The following MIR2052HG variants were observed in gnomAD, a reference collection of about 807,000 sequenced individuals.
MIR2052HG encodes MIR2052 host gene.
At chr8:74,714,406 G>A (rs1809499809) in intron 4 of MIR2052HG, among the ~76,000 whole-genome samples, 1 of 152,140 alleles carries the variant, frequency 6.6e-6, no homozygotes, top group Non-Finnish European at 1.5e-5. Context: ...GACGGGGAAA[G>A]GAAATTATAA....
intron 2 of MIR2052HG, among the ~76,000 whole-genome samples, chr8:74,701,175 A>T (rs1809353909): frequency 6.6e-6 from 1 of 152,132 alleles, no homozygotes; most frequent in Non-Finnish European, 1.5e-5. Flanking sequence ...AATTTGATAA[A>T]TATTTAGAAT....
intron 2 of MIR2052HG, among the ~76,000 whole-genome samples, chr8:74,677,423 G>A (rs1460347673): frequency 1.3e-5 from 2 of 152,156 alleles, no homozygotes; most frequent in Non-Finnish European, 2.9e-5. Context: ...AATTATGTAT[G>A]TATTATTAAT....
intron 2 of MIR2052HG, among the ~76,000 whole-genome samples, chr8:74,658,423 G>A (rs1266230431): frequency 6.8e-6 from 1 of 147,800 alleles, no homozygotes; most frequent in African/African-American, 2.5e-5. Context: ...TGCAGTCTCT[G>A]TCTGTCGCCC....
intron 2 of MIR2052HG, among the ~76,000 whole-genome samples, chr8:74,637,257 A>G (rs968279424): frequency 6.6e-6 from 1 of 152,182 alleles, no homozygotes; most frequent in Non-Finnish European, 1.5e-5. Context: ...CGTAGACCCA[A>G]GTGGCTGGGA....
At chr8:74,602,848 T>TCTTTCTTTCTTTCTTTCTTTC in intron 1 of MIR2052HG, among the ~76,000 whole-genome samples, 1 of 142,844 alleles carries the variant, frequency 7.0e-6, no homozygotes, top group African/African-American at 2.7e-5. Flanking sequence ...TTTCTTTCTT[T>TCTTTCTTTCTTTCTTTCTTTC]CTTTCTTTCT....
intron 4 of MIR2052HG, among the ~76,000 whole-genome samples, chr8:74,732,398 G>T (rs1050905038): frequency 6.6e-6 from 1 of 152,038 alleles, no homozygotes; most frequent in Non-Finnish European, 1.5e-5. Context: ...TTTATCTAGG[G>T]TTGGTCATGG....
intron 2 of MIR2052HG, among the ~76,000 whole-genome samples, chr8:74,696,880 C>A (rs1352028744): frequency 6.6e-6 from 1 of 151,490 alleles, no homozygotes; most frequent in East Asian, 1.9e-4. Flanking sequence ...CAGCTGAATT[C>A]TATCAGACAT....
chr8:74,712,819 T>C (rs1264520607), intron 4 of MIR2052HG, among the ~76,000 whole-genome samples: 1 of 152,130 alleles, frequency 6.6e-6, no homozygotes, highest in African/African-American at 2.4e-5. Flanking sequence ...TTTTTTTCTG[T>C]CCATATTTAA....
intron 2 of MIR2052HG, among the ~76,000 whole-genome samples, chr8:74,701,252 T>C (rs974768700): frequency 2.0e-5 from 3 of 152,166 alleles, no homozygotes; most frequent in Non-Finnish European, 2.9e-5. Context: ...AGGTAATGCA[T>C]GCAGTGTGAA....
chr8:74,675,540 A>G (rs1290978125), intron 2 of MIR2052HG, among the ~76,000 whole-genome samples: 1 of 152,014 alleles, frequency 6.6e-6, no homozygotes, highest in Non-Finnish European at 1.5e-5. Flanking sequence ...CCCTGAAGAT[A>G]CCACAGGCAC....
chr8:74,750,167 G>A (rs147409838), intron 4 of MIR2052HG, among the ~76,000 whole-genome samples: 1 of 152,282 alleles, frequency 6.6e-6, no homozygotes, highest in African/African-American at 2.4e-5. Context: ...ATTACTGTCT[G>A]ATCATTTTGA....
chr8:74,720,971 A>G (rs372420772), intron 4 of MIR2052HG, among the ~76,000 whole-genome samples: 1 of 152,160 alleles, frequency 6.6e-6, no homozygotes, highest in Non-Finnish European at 1.5e-5. Flanking sequence ...ATCTCCCACA[A>G]GGTCTCTCCC....
At chr8:74,730,603 T>C (rs1809681549) in intron 4 of MIR2052HG, among the ~76,000 whole-genome samples, 2 of 152,212 alleles carry the variant, frequency 1.3e-5, no homozygotes, top group African/African-American at 4.8e-5. Context: ...AGATGATTGA[T>C]AATATTCAAT....
chr8:74,623,344 G>A (rs118142415), intron 2 of MIR2052HG, among the ~76,000 whole-genome samples: 4,693 of 152,192 alleles, frequency 0.031, 109 homozygotes, highest in Non-Finnish European at 0.05. Flanking sequence ...CATTTTACAC[G>A]GAGGGAACAT....
At chr8:74,606,814 T>TA (rs1435068686) in intron 1 of MIR2052HG, among the ~76,000 whole-genome samples, 1 of 28,408 alleles carries the variant, frequency 3.5e-5, no homozygotes, top group African/African-American at 9.2e-5. Flanking sequence ...CCCCTGAACT[T>TA]AAAATAAAAG....
At chr8:74,614,585 G>T in intron 2 of MIR2052HG, among the ~76,000 whole-genome samples, 1 of 151,298 alleles carries the variant, frequency 6.6e-6, no homozygotes, top group South Asian at 2.1e-4. Context: ...CTAATCCTTG[G>T]GTAGTTTTTC....
At chr8:74,720,612 A>T (rs772763479) in intron 4 of MIR2052HG, among the ~76,000 whole-genome samples, 15 of 152,166 alleles carry the variant, frequency 9.9e-5, no homozygotes, top group African/African-American at 2.4e-5. Context: ...TCACTTTTGT[A>T]GAAATATTCC....
chr8:74,617,456 GGT>G (rs61474557), intron 2 of MIR2052HG, among the ~76,000 whole-genome samples: 6,170 of 147,244 alleles, frequency 0.042, 188 homozygotes, highest in South Asian at 0.12. Context: ...TATTCCATTG[GGT>G]GTGTGTGTGT....
chr8:74,747,880 TC>T (rs1353925624), intron 4 of MIR2052HG, among the ~76,000 whole-genome samples: 2 of 152,174 alleles, frequency 1.3e-5, no homozygotes, highest in Non-Finnish European at 2.9e-5. Flanking sequence ...ACAAATTCAT[TC>T]CCCCTAGAAA....
Sources: allele counts gnomAD v4.1 joint callset (sites outside exome capture counted in the v4.1 genomes callset), GRCh38; gene constraint gnomAD v4.1.1; transcripts MANE v1.5; gene names NCBI Gene and HGNC (gene_info 2026-07-23, HGNC 2026-07-21).